The following SKAP2 variants were observed in gnomAD, a reference collection of about 807,000 sequenced individuals.
SKAP2 encodes the protein src kinase associated phosphoprotein 2.
A neutral mutation model predicts 54.9 loss-of-function variants in SKAP2; 28 were observed. The ratio of observed to expected loss-of-function variants is 0.51; its 90% CI spans 0.38 to 0.70. The LOEUF is 0.70. SKAP2 is among the 30% of genes least tolerant of loss of function. SKAP2 has a pLI of 0.00. For missense variants in SKAP2, 356 were observed against 424.1 expected (o/e 0.84, Z 1.41); for synonymous variants, 137 against 134.3 (o/e 1.02, Z -0.14).
intron 6 of SKAP2, among the ~76,000 whole-genome samples, chr7:26,729,810 C>T (rs532362993): frequency 1.3e-5 from 2 of 151,936 alleles, no homozygotes; most frequent in Non-Finnish European, 2.9e-5. Flanking sequence ...TAAATAAATG[C>T]CAATAACCAA....
At chr7:26,830,290 T>C (rs1784572006) in intron 4 of SKAP2, among the ~76,000 whole-genome samples, 1 of 152,212 alleles carries the variant, frequency 6.6e-6, no homozygotes, top group Non-Finnish European at 1.5e-5. Context: ...GCATGGAGTT[T>C]CTTTTTCGTG....
At chr7:26,687,669 C>T (rs1212603472) in intron 10 of SKAP2, among the ~76,000 whole-genome samples, 1 of 152,070 alleles carries the variant, frequency 6.6e-6, no homozygotes, top group Non-Finnish European at 1.5e-5. Flanking sequence ...TCTCCTCTAG[C>T]TTACTTTTTA....
intron 9 of SKAP2, among the ~76,000 whole-genome samples, chr7:26,691,330 C>T (rs1465029200): frequency 1.3e-5 from 2 of 152,148 alleles, no homozygotes; most frequent in African/African-American, 4.8e-5. Context: ...GATTTTTCCT[C>T]ACCTAAGGAT....
chr7:26,776,889 A>G (rs1178874986), intron 4 of SKAP2, among the ~76,000 whole-genome samples: 1 of 152,006 alleles, frequency 6.6e-6, no homozygotes, highest in African/African-American at 2.4e-5. Flanking sequence ...TCTCTTGTCT[A>G]CCTCTCCACC....
intron 10 of SKAP2, among the ~76,000 whole-genome samples, chr7:26,685,092 A>G (rs189924541): frequency 1.3e-5 from 2 of 152,272 alleles, no homozygotes; most frequent in African/African-American, 4.8e-5. Context: ...TTCATCTAAA[A>G]TCTGTAATTG....
In SKAP2 at chr7:26,806,974, T is replaced by C. The variant is rs1296692461; in HGVS notation, c.307+37056A>G. Among the ~76,000 whole-genome samples the C allele has an allele frequency of 5.9e-5, 9 of 152,138 alleles. No individual in the cohort carries two copies. In the East Asian group the frequency reaches 1.7e-3, roughly 29 times the overall value. ...ATGACTTAGAGGTTCAGGACTTCAG[T>C]GGAGAAAGTCGCTGCAGATATGATG... On this transcript the variant is annotated intron_variant, in intron 4 of 12. Transcript: ENST00000345317.
chr7:26,775,530 CGTGTGTGTGTGTGTGT>C (rs59902431), intron 4 of SKAP2, among the ~76,000 whole-genome samples: 20 of 146,304 alleles, frequency 1.4e-4, no homozygotes, highest in Middle Eastern at 6.9e-3. Context: ...TTTACTTGTA[CGTGTGTGTGTGTGTGT>C]GTGTGTGTGT....
At chr7:26,807,794 T>C (rs1584401699) in intron 4 of SKAP2, among the ~76,000 whole-genome samples, 1 of 152,322 alleles carries the variant, frequency 6.6e-6, no homozygotes, top group East Asian at 1.9e-4. Context: ...TCCTGATTAG[T>C]CAGCAGTGAT....
chr7:26,857,021 C>T (rs1366041105), intron 1 of SKAP2, among the ~76,000 whole-genome samples: 5 of 149,636 alleles, frequency 3.3e-5, no homozygotes, highest in African/African-American at 4.9e-5. Flanking sequence ...TGCCCTCTAA[C>T]GCCCCCAAAC....
intron 3 of SKAP2, among the ~76,000 whole-genome samples, chr7:26,849,916 C>T (rs1350201543): frequency 6.6e-6 from 1 of 152,152 alleles, no homozygotes; most frequent in Non-Finnish European, 1.5e-5. Flanking sequence ...CTACTATGTA[C>T]TTTCACATTA....
intron 4 of SKAP2, among the ~76,000 whole-genome samples, chr7:26,823,530 C>G (rs372402387): frequency 1.3e-5 from 2 of 152,002 alleles, no homozygotes; most frequent in East Asian, 1.9e-4. Flanking sequence ...TACAACACTC[C>G]CTTAAGCCAA....
intron 9 of SKAP2, among the ~76,000 whole-genome samples, chr7:26,724,857 A>C (rs1461081279): frequency 6.6e-6 from 1 of 152,196 alleles, no homozygotes; most frequent in African/African-American, 2.4e-5. Flanking sequence ...ACTAGGTCTG[A>C]GCATTTGGAA....
intron 9 of SKAP2, among the ~76,000 whole-genome samples, chr7:26,690,595 C>T (rs1786760374): frequency 6.6e-6 from 1 of 152,166 alleles, no homozygotes; most frequent in Non-Finnish European, 1.5e-5. Context: ...GCAAACTTTC[C>T]AACTTTCCAA....
At chr7:26,732,685 C>A (rs1787845737) in intron 6 of SKAP2, among the ~76,000 whole-genome samples, 1 of 152,162 alleles carries the variant, frequency 6.6e-6, no homozygotes, top group African/African-American at 2.4e-5. Flanking sequence ...TAAATTTTAT[C>A]AAACTGACTA....
At chr7:26,665,626 C>A (rs1786092744), downstream of SKAP2, among the ~76,000 whole-genome samples, 1 of 152,068 alleles carries the variant, frequency 6.6e-6, no homozygotes, top group Non-Finnish European at 1.5e-5. Flanking sequence ...CTAGCAGAAA[C>A]AAGAAAAAGC....
At chr7:26,787,838 T>C (rs557499113) in intron 4 of SKAP2, among the ~76,000 whole-genome samples, 1 of 152,268 alleles carries the variant, frequency 6.6e-6, no homozygotes, top group East Asian at 1.9e-4. Flanking sequence ...GCCCCACCTC[T>C]AACAGCGGGG....
intron 4 of SKAP2, among the ~76,000 whole-genome samples, chr7:26,767,811 C>G (rs1055466790): frequency 2.6e-5 from 4 of 152,166 alleles, no homozygotes; most frequent in Admixed American, 2.6e-4. Flanking sequence ...TTTGCTTGCA[C>G]TGTGGTCTGA....
At chr7:26,722,385 ATTTTTTTTTTT>A (rs35643377) in intron 9 of SKAP2, among the ~76,000 whole-genome samples, 1 of 89,056 alleles carries the variant, frequency 1.1e-5, no homozygotes, top group Non-Finnish European at 2.0e-5. Context: ...ATGCAATGCA[ATTTTTTTTTTT>A]TTTTTTTTTT....
chr7:26,831,462 A>G (rs557260144), intron 4 of SKAP2, among the ~76,000 whole-genome samples: 1 of 152,324 alleles, frequency 6.6e-6, no homozygotes, highest in African/African-American at 2.4e-5. Context: ...TATGAGCTAT[A>G]TAGTATAGAA....
Sources: gnomAD v4.1 joint callset for allele counts (sites outside exome capture counted in the v4.1 genomes callset) on GRCh38, gnomAD v4.1.1 for gene constraint, MANE v1.5 for transcripts, NCBI Gene and HGNC (gene_info 2026-07-23, HGNC 2026-07-21) for gene names.